NLRC5: variants seen among roughly 807,000 people sequenced by gnomAD.
The protein encoded by NLRC5 is NLR family CARD domain containing 5, also known as protein NLRC5.
In NLRC5, 114 loss-of-function variants were observed where a neutral mutation model predicts 206.9. The ratio of observed to expected loss-of-function variants is 0.55; its 90% CI spans 0.47 to 0.64. The LOEUF is 0.64. NLRC5 is among the 30% of genes least tolerant of loss of function. NLRC5 has a pLI of 0.00. For synonymous variants in NLRC5, 952 were observed against 962.8 expected, an observed-to-expected ratio of 0.99 and a Z score of 0.21; for missense variants, 2,008 against 2,305.5, an observed-to-expected ratio of 0.87 and a Z score of 2.64.
intron 1 of NLRC5, among the ~76,000 whole-genome samples, chr16:57,014,898 G>C (rs1227387567): frequency 6.6e-6 from 1 of 150,718 alleles, no homozygotes; most frequent in African/African-American, 2.4e-5. Flanking sequence ...AAAAGAAAGG[G>C]CAAGCGCTCT....
At chr16:56,998,598 C>T (rs1248808191) in intron 1 of NLRC5, among the ~76,000 whole-genome samples, 1 of 152,068 alleles carries the variant, frequency 6.6e-6, no homozygotes, top group Non-Finnish European at 1.5e-5. Context: ...AAGGTCAGTC[C>T]CAAATCTAGG....
intron 46 of NLRC5, 69 bp from the exon 47 acceptor site, chr16:57,081,029 C>A: frequency 7.1e-7 from 1 of 1,399,768 alleles, no homozygotes; most frequent in South Asian, 1.2e-5. Flanking sequence ...TTTCCCCATT[C>A]ACTGCCTTGT....
chr16:57,078,476 T>G (rs1437805388), intron 43 of NLRC5, among the ~76,000 whole-genome samples: 3 of 144,490 alleles, frequency 2.1e-5, no homozygotes, highest in African/African-American at 7.8e-5. Context: ...GTTTTTTTTT[T>G]TTTTTTTTTT....
rs1459930081 is a variant in NLRC5, at chr16:57,040,708, C to T, written c.2929C>T (p.Arg977Ter). ...QMPSELPLSS[R>*]RMRLTHCGLQ... Reference sequence around the variant, plus strand: ...GCCCTCTGAGCTGCCTCTGAGCTCCCGAAGGATGAGGTACAGTGATGGCCT... The same window carrying T: ...GCCCTCTGAGCTGCCTCTGAGCTCCTGAAGGATGAGGTACAGTGATGGCCT... Residue 977 changes from arginine (R) to a stop codon, truncating the protein, a stop_gained, in exon 17 of 49, where the codon CGA (arginine) becomes TGA (stop). Coordinates refer to ENST00000688547, the MANE Select transcript of NLRC5 (RefSeq NM_001384950.1). LOFTEE classifies it high-confidence loss of function. 5.0e-6 allele frequency: 8 copies of T among 1,614,104 alleles called. No homozygotes were observed. Among genetic ancestry groups the T allele is most frequent in the East Asian group, 2.2e-5 (1 of 44,872 alleles).
intron 42 of NLRC5, 48 bp from the exon 43 acceptor site, chr16:57,077,895 C>T (rs1405981371): frequency 6.2e-7 from 1 of 1,608,886 alleles, no homozygotes; most frequent in Non-Finnish European, 8.5e-7. Context: ...GGCGGGGGTC[C>T]CGAGTGGGCA....
At chr16:56,991,366 T>C (rs1290359355) in intron 1 of NLRC5, among the ~76,000 whole-genome samples, 2 of 146,118 alleles carry the variant, frequency 1.4e-5, no homozygotes, top group African/African-American at 5.1e-5. Context: ...TTTGCTGTTG[T>C]TGTTCTTTAT....
chr16:57,053,776 G>A (rs1035066980), intron 24 of NLRC5, among the ~76,000 whole-genome samples: 2 of 152,126 alleles, frequency 1.3e-5, no homozygotes, highest in Admixed American at 6.6e-5. Flanking sequence ...TGATCCGCCC[G>A]CCTCGGCTTC....
At chr16:57,050,770 T>G (rs910025067) in intron 23 of NLRC5, among the ~76,000 whole-genome samples, 1 of 152,224 alleles carries the variant, frequency 6.6e-6, no homozygotes, top group African/African-American at 2.4e-5. Context: ...CCCAAGCCAG[T>G]CCCTGTCTCC....
Position 57,034,222 on chromosome 16 carries a change from C to G in NLRC5, c.2598C>G (p.Leu866=). The change falls in exon 13 of 49, where the codon CTC becomes CTG. Residue 866 remains leucine (L), a synonymous_variant. Transcript: ENST00000688547. ...VHDAEALIAL[L]QEGPHLEEVD... is the part of the protein sequence containing the mutation. The stretch of plus-strand genomic sequence containing the variant: ...ATGCGGAGGCCCTCATAGCCCTGCT[C>G]CAGGAAGGCCCTCACCTGGAGGAAG... The G allele has an allele frequency of 6.2e-7, 1 of 1,614,032 alleles. No homozygotes were observed. The highest frequency in any genetic ancestry group is 8.5e-7 in the Non-Finnish European group (1 of 1,179,952).
At chr16:57,066,029 C>A (rs537735432) in intron 33 of NLRC5, among the ~76,000 whole-genome samples, 12 of 152,336 alleles carry the variant, frequency 7.9e-5, no homozygotes, top group African/African-American at 2.6e-4. Flanking sequence ...CCCCACCCTT[C>A]CACCACACTG....
intron 22 of NLRC5, among the ~76,000 whole-genome samples, chr16:57,047,102 T>G (rs1193130385): frequency 6.6e-6 from 1 of 152,156 alleles, no homozygotes; most frequent in Admixed American, 6.5e-5. Context: ...GGGAAGGACA[T>G]TTCAATTTCA....
chr16:57,048,451 T>A (rs1283427444), intron 23 of NLRC5: 1 of 152,206 alleles, frequency 6.6e-6, no homozygotes, highest in African/African-American at 2.4e-5. Flanking sequence ...AACCAGATAA[T>A]CCGGTTTGAC....
chr16:57,051,512 C>A, intron 23 of NLRC5, 26 bp from the exon 24 acceptor site: 3 of 1,586,340 alleles, frequency 1.9e-6, no homozygotes, highest in Non-Finnish European at 2.6e-6. Context: ...GTTTCCCCCA[C>A]CTCATCCACC....
chr16:57,022,197 C>G, intron 3 of NLRC5, 59 bp from the exon 4 acceptor site: 1 of 1,491,952 alleles, frequency 6.7e-7, no homozygotes, highest in Non-Finnish European at 9.3e-7. Context: ...CAGGCCAGAG[C>G]TGGTCCCCAG....
At chr16:57,047,735 C>A in intron 23 of NLRC5, 107 bp downstream of exon 23, 1 of 940,410 alleles carries the variant, frequency 1.1e-6, no homozygotes, top group Non-Finnish European at 1.7e-6. Flanking sequence ...TCGATTTCTT[C>A]CCACCAGCCC....
In NLRC5 at chr16:57,079,677, G is replaced by T. The variant is rs750557021; in HGVS notation, c.5321+48G>T. On this transcript the variant is annotated intron_variant, in intron 46 of 48. Coordinates refer to ENST00000688547, the MANE Select transcript of NLRC5 (RefSeq NM_001384950.1). ...AGCTGGCTGGGAAAAGGAAAAGTCG[G>T]GAGGGGTCGGGGGAGTTGGCTCCAG... The T allele has an allele frequency of 5.2e-6, 8 of 1,550,934 alleles. No individual in the cohort carries two copies. In the Admixed American group the frequency reaches 1.3e-4, roughly 26 times the overall value.
Position 57,078,035 on chromosome 16 carries a change from G to A in NLRC5, c.5081+15G>A, listed in dbSNP as rs1442088338. On this transcript the variant is annotated intron_variant, in intron 43 of 48. Transcript: ENST00000688547. Reference sequence around the variant, plus strand: ...AGGGTCCTACAGTGAGTGGCCCCCTGCCCATACCATGCAGGGCTGGTGGGG... The same window carrying A: ...AGGGTCCTACAGTGAGTGGCCCCCTACCCATACCATGCAGGGCTGGTGGGG... 6.3e-7 allele frequency: 1 copy of A among 1,576,526 alleles called. No individual in the cohort carries two copies. Among genetic ancestry groups the A allele is most frequent in the Non-Finnish European group, 8.7e-7 (1 of 1,155,876 alleles).
intron 1 of NLRC5, among the ~76,000 whole-genome samples, chr16:57,014,759 C>G (rs289702): frequency 0.89 from 135,817 of 152,144 alleles, 62,578 homozygotes; most frequent in East Asian, 1. Flanking sequence ...ACAACAGAAA[C>G]TTGTTTCTCA....
intron 32 of NLRC5, among the ~76,000 whole-genome samples, chr16:57,063,647 C>T (rs953172142): frequency 2.0e-5 from 3 of 152,330 alleles, no homozygotes; most frequent in East Asian, 3.9e-4. Context: ...ACCTCAGCCT[C>T]CCAAAGTGCT....
Sources: allele counts gnomAD v4.1 joint callset (sites outside exome capture counted in the v4.1 genomes callset), GRCh38; gene constraint gnomAD v4.1.1; transcripts MANE v1.5; gene names NCBI Gene and HGNC (gene_info 2026-07-23, HGNC 2026-07-21).